Variants in CLIC5 observed in about 807,000 individuals in gnomAD.
CLIC5 encodes the protein chloride intracellular channel protein 5.
CLIC5 carries 20 observed loss-of-function variants against 24.7 expected under a neutral mutation model. The ratio of observed to expected loss-of-function variants is 0.81; its 90% CI spans 0.57 to 1.18. The LOEUF is 1.18. CLIC5 is among the 50% of genes most tolerant of loss of function. The pLI, the probability that CLIC5 is intolerant of heterozygous loss-of-function variation, is 0.00. For synonymous variants in CLIC5, 159 were observed against 135.6 expected (o/e 1.17, Z -1.20); for missense variants, 341 against 326.1 (o/e 1.05, Z -0.35).
chr6:45,976,797 A>ATGG (rs1561978339), intron 1 of CLIC5, among the ~76,000 whole-genome samples: 2 of 152,330 alleles, frequency 1.3e-5, no homozygotes, highest in African/African-American at 4.8e-5. Flanking sequence ...AATGGCATAG[A>ATGG]CCTATGAGGT....
intron 1 of CLIC5, among the ~76,000 whole-genome samples, chr6:45,999,105 A>G (rs1377423213): frequency 6.6e-6 from 1 of 152,084 alleles, no homozygotes; most frequent in East Asian, 1.9e-4. Context: ...CTCCCATGGG[A>G]CCTCACACAG....
chr6:46,002,790 C>A (rs1194637635), intron 1 of CLIC5, among the ~76,000 whole-genome samples: 1 of 152,184 alleles, frequency 6.6e-6, no homozygotes, highest in Admixed American at 6.5e-5. Flanking sequence ...TCTAACTCAC[C>A]CAATCTGGTA....
At chr6:45,916,500 A>G (rs1763037354) in intron 4 of CLIC5, among the ~76,000 whole-genome samples, 1 of 152,218 alleles carries the variant, frequency 6.6e-6, no homozygotes, top group Non-Finnish European at 1.5e-5. Context: ...AGAAAGGAAG[A>G]ATCAAATACT....
the CLIC5 span, among the ~76,000 whole-genome samples, chr6:46,112,908 T>A: frequency 1.3e-5 from 2 of 152,042 alleles, no homozygotes; most frequent in Non-Finnish European, 2.9e-5. Context: ...AATATAAAAA[T>A]TAGCCGAGTG....
At chr6:45,907,929 C>A (rs1762706558) in intron 5 of CLIC5, among the ~76,000 whole-genome samples, 1 of 152,136 alleles carries the variant, frequency 6.6e-6, no homozygotes, top group South Asian at 2.1e-4. Context: ...TTGCTCTGGA[C>A]TTCCACTATG....
At chr6:45,957,800 C>T (rs1408377791) in intron 1 of CLIC5, among the ~76,000 whole-genome samples, 1 of 152,120 alleles carries the variant, frequency 6.6e-6, no homozygotes, top group Non-Finnish European at 1.5e-5. Context: ...CCTTGCGGCC[C>T]TAAGAAATTG....
At chr6:46,040,653 C>T (rs149725410) in intron 1 of CLIC5, among the ~76,000 whole-genome samples, 14 of 151,838 alleles carry the variant, frequency 9.2e-5, no homozygotes, top group Middle Eastern at 3.4e-3. Flanking sequence ...TTGATGTCGA[C>T]GGTAGCTGAT....
At chr6:45,916,849 T>C (rs971399338) in intron 4 of CLIC5, among the ~76,000 whole-genome samples, 4 of 152,230 alleles carry the variant, frequency 2.6e-5, no homozygotes, top group African/African-American at 9.6e-5. Context: ...GAAGGCACCC[T>C]CTGTGTATCA....
intron 5 of CLIC5, chr6:45,912,810 TG>T (rs1762868586): frequency 1.9e-6 from 2 of 1,067,044 alleles, no homozygotes; most frequent in Non-Finnish European, 2.8e-6. Context: ...AGACATAGAT[TG>T]GCTGGACCTA....
At chr6:45,942,953 C>A (rs1764181902) in intron 3 of CLIC5, among the ~76,000 whole-genome samples, 1 of 152,206 alleles carries the variant, frequency 6.6e-6, no homozygotes, top group Non-Finnish European at 1.5e-5. Context: ...ACCTGGTTTC[C>A]TGGCCCTACA....
At chr6:46,074,772 C>T (rs1762722237) in intron 1 of CLIC5, among the ~76,000 whole-genome samples, 1 of 152,204 alleles carries the variant, frequency 6.6e-6, no homozygotes, top group South Asian at 2.1e-4. Context: ...GCCATATACA[C>T]ATGTACACAC....
intron 4 of CLIC5, among the ~76,000 whole-genome samples, chr6:45,922,835 TAGAG>T (rs36124366): frequency 3.0e-4 from 43 of 144,380 alleles, no homozygotes; most frequent in South Asian, 1.8e-3. Flanking sequence ...GAGAGAGAGA[TAGAG>T]AGAGAGAGAG....
intron 1 of CLIC5, among the ~76,000 whole-genome samples, chr6:45,956,914 G>T (rs1764664964): frequency 6.6e-6 from 1 of 152,160 alleles, no homozygotes; most frequent in African/African-American, 2.4e-5. Context: ...TACCAATAAA[G>T]CATGCTCAGA....
chr6:46,005,814 G>A (rs1303639153), intron 1 of CLIC5, among the ~76,000 whole-genome samples: 1 of 151,638 alleles, frequency 6.6e-6, no homozygotes, highest in African/African-American at 2.4e-5. Flanking sequence ...GAAGGTGACA[G>A]CTATGAACCA....
intron 6 of CLIC5, among the ~76,000 whole-genome samples, chr6:45,890,187 G>T (rs750875055): frequency 1.6e-4 from 25 of 151,974 alleles, no homozygotes; most frequent in Non-Finnish European, 2.6e-4. Context: ...TCTGTGGTTT[G>T]TGTCTTCATT....
chr6:46,123,284 A>G, the CLIC5 span, among the ~76,000 whole-genome samples: 1 of 152,362 alleles, frequency 6.6e-6, no homozygotes, highest in Middle Eastern at 3.4e-3. Flanking sequence ...CAACATATGA[A>G]AATCTATAAA....
intron 1 of CLIC5, among the ~76,000 whole-genome samples, chr6:46,055,090 T>C (rs149283199): frequency 2.5e-4 from 38 of 152,278 alleles, no homozygotes; most frequent in African/African-American, 8.7e-4. Context: ...CATTGTCAGT[T>C]CTTTTCTTTC....
chr6:45,928,292 G>A (rs1296107272), intron 4 of CLIC5, among the ~76,000 whole-genome samples: 1 of 152,212 alleles, frequency 6.6e-6, no homozygotes, highest in Admixed American at 6.5e-5. Context: ...GCTGAGAAAT[G>A]CTGAAGCTTT....
At position 45,978,360 on chromosome 6, in the gene CLIC5, T is replaced by C. The variant is rs193202123; in HGVS notation, c.64-23116A>G. 7.9e-5 allele frequency among the ~76,000 whole-genome samples: 12 copies of C among 152,314 alleles called. No individual in the cohort carries two copies. In the East Asian group the frequency reaches 2.3e-3, roughly 29 times the overall value. On this transcript the variant is annotated intron_variant, in intron 1 of 5. Transcript: ENST00000339561. ...ACTGGGGATGGCTAACAATGAGTGATTCCTGAGCAGGAATCGTAAGCTTTC... is the reference window on the plus strand; with the variant it reads ...ACTGGGGATGGCTAACAATGAGTGACTCCTGAGCAGGAATCGTAAGCTTTC...
Sources: gnomAD v4.1 joint callset for allele counts (sites outside exome capture counted in the v4.1 genomes callset) on GRCh38, gnomAD v4.1.1 for gene constraint, MANE v1.5 for transcripts, NCBI Gene and HGNC (gene_info 2026-07-23, HGNC 2026-07-21) for gene names.